The following IFT140 variants were observed in gnomAD, a reference collection of about 807,000 sequenced individuals.
IFT140 encodes the protein intraflagellar transport 140.
IFT140 carries 133 observed loss-of-function variants against 164.6 expected under a neutral mutation model. That is an observed-to-expected ratio of 0.81 (90% confidence interval 0.70 to 0.93). IFT140 has a LOEUF of 0.93. IFT140 is among the 40% of genes least tolerant of loss of function. The probability of loss-of-function intolerance (pLI) is 0.00; values close to 1 mark genes in which losing one functional copy is unlikely to be tolerated. For synonymous variants in IFT140, 860 were observed against 817.3 expected, an observed-to-expected ratio of 1.05 and a Z score of -0.89; for missense variants, 2,045 against 1,972.3, an observed-to-expected ratio of 1.04 and a Z score of -0.70.
chr16:1,563,028 G>A (rs575344487), intron 17 of IFT140, among the ~76,000 whole-genome samples: 1 of 152,190 alleles, frequency 6.6e-6, no homozygotes, highest in Non-Finnish European at 1.5e-5. Context: ...TCATCACAGA[G>A]CAGACAAAGA....
chr16:1,549,815 G>A (rs1462505787), intron 19 of IFT140, among the ~76,000 whole-genome samples: 3 of 152,230 alleles, frequency 2.0e-5, no homozygotes, highest in South Asian at 2.1e-4. Flanking sequence ...GCTTTGTGAC[G>A]GTCCCTGCCT....
In IFT140 at chr16:1,531,132, G is replaced by A. The variant is rs958685591; in HGVS notation, c.2400-4336C>T. ...CTCTCGGGACAGCCTCCACTCCGGT[G>A]TGGGGTTCTGGGGTTTGTGCATCTG... On this transcript the variant is annotated intron_variant, in intron 19 of 30. Coordinates refer to ENST00000426508, the MANE Select transcript of IFT140 (RefSeq NM_014714.4). The surrounding 1 kb of genome is among the most constrained non-coding windows in gnomAD (Gnocchi z 4.7). 3.3e-5 allele frequency: 5 copies of A among 152,278 alleles called. No individual in the cohort carries two copies. Among genetic ancestry groups the A allele is most frequent in the African/African-American group, 1.2e-4 (5 of 41,470 alleles). 9.4% of individuals were successfully genotyped at this position (152,278 alleles called of 1,614,324 possible). A position where few individuals can be genotyped will look rare whatever the true frequency, so the allele number is the denominator to read the frequency against.
chr16:1,540,926 C>T, intron 19 of IFT140: 12 of 985,364 alleles, frequency 1.2e-5, no homozygotes, highest in Non-Finnish European at 1.4e-5. Context: ...TCAGCACACA[C>T]ATTGTCTGCT....
chr16:1,600,323 C>T (rs867851845), intron 4 of IFT140, among the ~76,000 whole-genome samples: 5 of 141,854 alleles, frequency 3.5e-5, no homozygotes, highest in African/African-American at 1.3e-4. Context: ...TGCGGAAGGC[C>T]GCAGGGTCCT....
intron 13 of IFT140, chr16:1,577,267 A>G (rs1396495995): frequency 2.6e-5 from 4 of 152,222 alleles, no homozygotes; most frequent in Non-Finnish European, 5.9e-5. Context: ...GATTCATCCT[A>G]TAGACTTAGG....
chr16:1,511,116 AGCC>A lies in IFT140; in HGVS notation c.4214_4216del (p.Arg1405del), dbSNP rs754312950. On this transcript the variant is annotated inframe_deletion, in exon 31 of 31. Coordinates refer to ENST00000426508, the MANE Select transcript of IFT140 (RefSeq NM_014714.4). ...GTAGTAGGACATGTTGGCCAAGGGA[AGCC>A]GCCGCCGCATCTCCTCCAGGAATCT... The A allele has an allele frequency of 1.2e-5, 19 of 1,609,178 alleles. No homozygotes were observed. The Admixed American group carries it at 1.8e-4, about 16-fold the overall frequency.
intron 3 of IFT140, among the ~76,000 whole-genome samples, chr16:1,604,117 A>C (rs1419251016): frequency 6.6e-6 from 1 of 152,234 alleles, no homozygotes; most frequent in African/African-American, 2.4e-5. Context: ...GGCTCCTGCA[A>C]GGGAGAATCT....
chr16:1,538,668 G>C (rs1385869660), intron 19 of IFT140, among the ~76,000 whole-genome samples: 5 of 152,232 alleles, frequency 3.3e-5, no homozygotes, highest in Admixed American at 6.5e-5. Flanking sequence ...CTGAATGGAA[G>C]TCATTGCCAA....
At position 1,520,810 on chromosome 16, in the gene IFT140, T is replaced by C. The variant is rs2141148390; in HGVS notation, c.3454-2A>G. 6.2e-7 allele frequency: 1 copy of C among 1,601,140 alleles called. No homozygotes were observed. The highest frequency in any genetic ancestry group is 1.3e-5 in the African/African-American group (1 of 75,030). ...GCACAGCTGCAGGGCTTCCTGATACTGCAAAGGTGCAGAAATGGGACGGGG... is the reference window on the plus strand; with the variant it reads ...GCACAGCTGCAGGGCTTCCTGATACCGCAAAGGTGCAGAAATGGGACGGGG... On this transcript the variant is annotated splice_acceptor_variant, in intron 26 of 30. Coordinates refer to ENST00000426508, the MANE Select transcript of IFT140 (RefSeq NM_014714.4). LOFTEE classifies it high-confidence loss of function.
At chr16:1,520,547 C>T (rs1278984292) in intron 27 of IFT140, 55 bp downstream of exon 27, 2 of 1,499,808 alleles carry the variant, frequency 1.3e-6, no homozygotes, top group Non-Finnish European at 1.8e-6. Flanking sequence ...GTGCAGGGGG[C>T]CCGCAGCCTA....
chr16:1,590,451 T>C (rs562938522), intron 6 of IFT140, among the ~76,000 whole-genome samples: 1 of 152,272 alleles, frequency 6.6e-6, no homozygotes, highest in South Asian at 2.1e-4. Context: ...CACTACTCCC[T>C]GTCCTTTCTG....
chr16:1,513,882 C>T (rs937930338), intron 30 of IFT140, among the ~76,000 whole-genome samples: 57 of 142,052 alleles, frequency 4.0e-4, no homozygotes, highest in Non-Finnish European at 7.1e-4. Flanking sequence ...ACCGTGTTAG[C>T]CAAGATGGTC....
At chr16:1,524,054 CTT>C (rs2040601677) in intron 24 of IFT140, 98 bp from the exon 25 acceptor site, 1 of 1,439,796 alleles carries the variant, frequency 6.9e-7, no homozygotes, top group Non-Finnish European at 9.4e-7. Flanking sequence ...CGCCCCTTCA[CTT>C]TGACACACTG....
intron 15 of IFT140, 95 bp downstream of exon 15, chr16:1,568,122 C>A (rs2033819788): frequency 1.2e-6 from 1 of 828,706 alleles, no homozygotes; most frequent in Admixed American, 2.0e-5. Flanking sequence ...GGAAGACTTG[C>A]ACAGGAGGAG....
chr16:1,554,894 A>G, intron 19 of IFT140: 1 of 1,614,260 alleles, frequency 6.2e-7, no homozygotes, highest in Non-Finnish European at 8.5e-7. Flanking sequence ...CGCTGGCGGC[A>G]GCCATGCTCA....
intron 4 of IFT140, among the ~76,000 whole-genome samples, chr16:1,596,149 T>C (rs1484212771): frequency 6.6e-6 from 1 of 152,020 alleles, no homozygotes; most frequent in Admixed American, 6.6e-5. Flanking sequence ...TGCTTACATA[T>C]TGAGAAAACC....
At chr16:1,576,259 C>T (rs183980738) in intron 13 of IFT140, among the ~76,000 whole-genome samples, 1 of 140,604 alleles carries the variant, frequency 7.1e-6, no homozygotes, top group Non-Finnish European at 1.5e-5. Context: ...GCACTCTAGA[C>T]TGGGCAACAG....
intron 30 of IFT140, among the ~76,000 whole-genome samples, chr16:1,516,438 G>C (rs551758333): frequency 6.6e-6 from 1 of 152,112 alleles, no homozygotes; most frequent in Non-Finnish European, 1.5e-5. Context: ...AAGAGGAGTA[G>C]AGATAAAAAG....
At chr16:1,576,542 A>AGATCGC (rs2034286158) in intron 13 of IFT140, among the ~76,000 whole-genome samples, 1 of 151,154 alleles carries the variant, frequency 6.6e-6, no homozygotes, top group African/African-American at 2.4e-5. Context: ...CAGTGAGCCG[A>AGATCGC]GATCGCACCA....
Sources: allele counts gnomAD v4.1 joint callset (sites outside exome capture counted in the v4.1 genomes callset), GRCh38; gene constraint gnomAD v4.1.1; non-coding constraint Gnocchi (gnomAD v3.1); transcripts MANE v1.5; gene names NCBI Gene and HGNC (gene_info 2026-07-23, HGNC 2026-07-21).